SEMA5B: variants seen among roughly 807,000 people sequenced by gnomAD.
SEMA5B encodes the protein semaphorin 5B, also known as semaphorin-5B.
SEMA5B carries 66 observed loss-of-function variants against 135.0 expected under a neutral mutation model. The ratio of observed to expected loss-of-function variants is 0.49; its 90% CI spans 0.40 to 0.60. The LOEUF (loss-of-function observed/expected upper bound fraction) is 0.60. Among genes scored for constraint, SEMA5B ranks in the 20% least tolerant of loss-of-function variants. The pLI is 0.00. For missense variants in SEMA5B, 1,501 were observed against 1,566.3 expected, an observed-to-expected ratio of 0.96 and a Z score of 0.70; for synonymous variants, 690 against 639.5, an observed-to-expected ratio of 1.08 and a Z score of -1.19.
At chr3:122,989,796 A>G (rs1941819813) in intron 1 of SEMA5B, among the ~76,000 whole-genome samples, 1 of 152,188 alleles carries the variant, frequency 6.6e-6, no homozygotes, top group Admixed American at 6.5e-5. Context: ...CTTTTCAGAG[A>G]AAATTGGTTC....
chr3:122,928,045 C>G (rs1938741403), intron 7 of SEMA5B, 42 bp from the exon 8 acceptor site: 1 of 1,362,398 alleles, frequency 7.3e-7, no homozygotes, highest in South Asian at 1.7e-5. Context: ...CCCTGAGGCC[C>G]TGGGGCTGCC....
At chr3:122,954,831 C>T (rs1317539042) in intron 2 of SEMA5B, among the ~76,000 whole-genome samples, 2 of 147,202 alleles carry the variant, frequency 1.4e-5, no homozygotes, top group East Asian at 3.9e-4. Context: ...TCTCACTTTG[C>T]CGCCTAGGCT....
intron 1 of SEMA5B, among the ~76,000 whole-genome samples, chr3:123,009,842 C>T (rs1481065742): frequency 6.6e-6 from 1 of 152,212 alleles, no homozygotes; most frequent in African/African-American, 2.4e-5. Context: ...ACTCGACACA[C>T]ATTTACTGAG....
chr3:122,936,590 C>G (rs759408041), intron 5 of SEMA5B, among the ~76,000 whole-genome samples: 1 of 152,216 alleles, frequency 6.6e-6, no homozygotes, highest in Non-Finnish European at 1.5e-5. Context: ...CCAGCCAGGT[C>G]GTCCCATGGA....
At chr3:122,931,385 T>C (rs1938963859) in intron 5 of SEMA5B, among the ~76,000 whole-genome samples, 1 of 152,164 alleles carries the variant, frequency 6.6e-6, no homozygotes, top group Non-Finnish European at 1.5e-5. Flanking sequence ...TTAATTAAAA[T>C]CAACATTGGT....
At chr3:122,961,599 A>G (rs1043047524) in intron 1 of SEMA5B, among the ~76,000 whole-genome samples, 3 of 151,908 alleles carry the variant, frequency 2.0e-5, no homozygotes, top group East Asian at 1.9e-4. Flanking sequence ...AGTTGTGACA[A>G]CAGGTTGCAC....
At chr3:122,957,780 G>A (rs1047769014) in intron 2 of SEMA5B, among the ~76,000 whole-genome samples, 4 of 152,164 alleles carry the variant, frequency 2.6e-5, no homozygotes, top group South Asian at 4.1e-4. Flanking sequence ...ATTTGAATCC[G>A]CGACTGTCTG....
chr3:122,961,042 G>A, intron 2 of SEMA5B, 98 bp downstream of exon 2: 1 of 1,272,040 alleles, frequency 7.9e-7, no homozygotes, highest in Non-Finnish European at 1.1e-6. Flanking sequence ...GGTCCTAGGA[G>A]GTATGCTGAT....
In SEMA5B at chr3:122,979,039, C is replaced by A. The variant is rs541651594; in HGVS notation, c.-38-17738G>T. ...CGAAGGCGGTTCAGAGAGGGAGACG[C>A]AAGACACAAAGAATGTCTTGAAAAG... On this transcript the variant is annotated intron_variant, in intron 1 of 22. Coordinates refer to ENST00000357599, the MANE Select transcript of SEMA5B (RefSeq NM_001031702.4). 4.6e-5 allele frequency among the ~76,000 whole-genome samples: 7 copies of A among 152,210 alleles called. No individual in the cohort carries two copies. In the East Asian group the frequency reaches 1.4e-3, roughly 29 times the overall value.
At chr3:122,974,104 C>G (rs547890843) in intron 1 of SEMA5B, among the ~76,000 whole-genome samples, 3 of 152,212 alleles carry the variant, frequency 2.0e-5, no homozygotes, top group East Asian at 3.9e-4. Context: ...ACACCACCCC[C>G]CATCTGCTCC....
chr3:122,974,535 G>A (rs1429167585), intron 1 of SEMA5B, among the ~76,000 whole-genome samples: 1 of 152,240 alleles, frequency 6.6e-6, no homozygotes, highest in Non-Finnish European at 1.5e-5. Flanking sequence ...TATATGGGTT[G>A]GGGAGAGTGA....
intron 1 of SEMA5B, among the ~76,000 whole-genome samples, chr3:123,020,401 A>G (rs1362754817): frequency 2.0e-5 from 3 of 152,266 alleles, no homozygotes; most frequent in Non-Finnish European, 2.9e-5. Context: ...ATTAATATTC[A>G]TTACTTTTGT....
At chr3:122,981,581 G>T (rs936902231) in intron 1 of SEMA5B, among the ~76,000 whole-genome samples, 1 of 152,132 alleles carries the variant, frequency 6.6e-6, no homozygotes, top group Non-Finnish European at 1.5e-5. Flanking sequence ...TCTTCTCAAC[G>T]AACTCCTGAA....
At chr3:122,929,729 T>G (rs1282765857) in intron 5 of SEMA5B, among the ~76,000 whole-genome samples, 20 of 152,246 alleles carry the variant, frequency 1.3e-4, no homozygotes, top group East Asian at 1.9e-4. Flanking sequence ...TGTCTGCACT[T>G]TCCTCCCAGC....
At chr3:122,955,132 G>A (rs1016634970) in intron 2 of SEMA5B, among the ~76,000 whole-genome samples, 4 of 148,802 alleles carry the variant, frequency 2.7e-5, no homozygotes, top group South Asian at 2.1e-4. Flanking sequence ...TTTTTAGACC[G>A]TGTCTCTAAA....
intron 1 of SEMA5B, among the ~76,000 whole-genome samples, chr3:123,001,954 A>G (rs1942186223): frequency 6.6e-6 from 1 of 152,250 alleles, no homozygotes; most frequent in African/African-American, 2.4e-5. Flanking sequence ...ATGTAATGCC[A>G]TATTTGAAAC....
intron 1 of SEMA5B, among the ~76,000 whole-genome samples, chr3:123,002,234 C>T (rs1455095407): frequency 1.3e-5 from 2 of 152,132 alleles, no homozygotes; most frequent in Non-Finnish European, 2.9e-5. Context: ...ACAGGCATCA[C>T]GGATGGGGGA....
At chr3:122,914,461 A>G (rs937085262) in intron 14 of SEMA5B, among the ~76,000 whole-genome samples, 6 of 152,120 alleles carry the variant, frequency 3.9e-5, no homozygotes, top group Admixed American at 6.5e-5. Context: ...TCTGACGCCA[A>G]TTTTCAAATC....
At chr3:122,995,637 C>T (rs1942006197) in intron 1 of SEMA5B, among the ~76,000 whole-genome samples, 1 of 145,232 alleles carries the variant, frequency 6.9e-6, no homozygotes, top group Non-Finnish European at 1.5e-5. Flanking sequence ...AAGGGATGGC[C>T]ATAAATGCTC....
Sources: gnomAD v4.1 joint callset for allele counts (sites outside exome capture counted in the v4.1 genomes callset) on GRCh38, gnomAD v4.1.1 for gene constraint, MANE v1.5 for transcripts, NCBI Gene and HGNC (gene_info 2026-07-23, HGNC 2026-07-21) for gene names.